The following MACROD2 variants were observed in gnomAD, a reference collection of about 807,000 sequenced individuals.
The protein encoded by MACROD2 is ADP-ribose glycohydrolase MACROD2.
A neutral mutation model predicts 70.4 loss-of-function variants in MACROD2; 36 were observed. That is an observed-to-expected ratio of 0.51 (90% confidence interval 0.39 to 0.68). MACROD2 has a LOEUF of 0.68. MACROD2 is among the 30% of genes least tolerant of loss of function. The probability of loss-of-function intolerance (pLI) is 0.00; values close to 1 mark genes in which losing one functional copy is unlikely to be tolerated. For missense variants in MACROD2, 496 were observed against 538.4 expected, an observed-to-expected ratio of 0.92 and a Z score of 0.78; for synonymous variants, 172 against 178.8, an observed-to-expected ratio of 0.96 and a Z score of 0.30.
chr20:14,831,548 G>A (rs979300242), intron 5 of MACROD2, among the ~76,000 whole-genome samples: 2 of 151,740 alleles, frequency 1.3e-5, no homozygotes, highest in Non-Finnish European at 2.9e-5. Context: ...GGAGGCCGAG[G>A]AGGGTGGATC....
At chr20:14,026,297 A>G (rs775750003) in intron 2 of MACROD2, among the ~76,000 whole-genome samples, 31 of 152,242 alleles carry the variant, frequency 2.0e-4, no homozygotes, top group Middle Eastern at 3.4e-3. Context: ...TCTTTATCCA[A>G]TTTGCCAGTC....
At chr20:14,487,400 C>T (rs1600293555) in intron 3 of MACROD2, among the ~76,000 whole-genome samples, 1 of 152,136 alleles carries the variant, frequency 6.6e-6, no homozygotes, top group East Asian at 1.9e-4. Flanking sequence ...AACAGAAACT[C>T]CAAGAGTTTA....
intron 4 of MACROD2, among the ~76,000 whole-genome samples, chr20:14,604,946 G>A (rs558010106): frequency 8.5e-5 from 13 of 152,246 alleles, no homozygotes; most frequent in African/African-American, 2.9e-4. Context: ...TTCCCATTGG[G>A]CATTCTACTT....
At chr20:14,325,519 A>G in intron 3 of MACROD2, 2 of 1,561,674 alleles carry the variant, frequency 1.3e-6, no homozygotes, top group Non-Finnish European at 1.7e-6. Context: ...TTAGGTTTAA[A>G]AAACCCAAAA....
At chr20:15,329,127 C>T (rs1043164648) in intron 6 of MACROD2, among the ~76,000 whole-genome samples, 87 of 152,074 alleles carry the variant, frequency 5.7e-4, no homozygotes, top group Admixed American at 5.5e-3. Context: ...AGAGTCTATT[C>T]GATTGTGTAA....
In MACROD2 at chr20:15,941,199, G is replaced by A. The variant is rs1415791917; in HGVS notation, c.907+3655G>A. Among the ~76,000 whole-genome samples the A allele has an allele frequency of 2.6e-5, 4 of 152,208 alleles. No individual in the cohort carries two copies. The East Asian group carries it at 5.8e-4, about 22-fold the overall frequency. On this transcript the variant is annotated intron_variant, in intron 12 of 17. Coordinates refer to ENST00000684519, the MANE Select transcript of MACROD2 (RefSeq NM_001351661.2). ...AGTTCTGTCATGTATCACAAATGCA[G>A]TTCCTATGTAAGACTAAATGTGAAG... is the stretch of plus-strand genomic sequence containing the variant.
intron 6 of MACROD2, among the ~76,000 whole-genome samples, chr20:15,413,252 C>T (rs1219822685): frequency 6.6e-6 from 1 of 152,000 alleles, no homozygotes; most frequent in Non-Finnish European, 1.5e-5. Flanking sequence ...TTTCGCTTCA[C>T]ATCAAAGGTA....
At chr20:14,361,172 C>T (rs578161026) in intron 3 of MACROD2, among the ~76,000 whole-genome samples, 38 of 152,240 alleles carry the variant, frequency 2.5e-4, no homozygotes, top group African/African-American at 8.7e-4. Flanking sequence ...GTTCTGGGGG[C>T]ACATCTAGGT....
intron 15 of MACROD2, among the ~76,000 whole-genome samples, chr20:15,995,312 G>T (rs1299371871): frequency 6.6e-6 from 1 of 151,602 alleles, no homozygotes; most frequent in African/African-American, 2.4e-5. Context: ...ATAGAGCTCA[G>T]GATGTAAGTC....
chr20:15,454,095 A>G (rs1411669693), intron 7 of MACROD2, among the ~76,000 whole-genome samples: 2 of 152,134 alleles, frequency 1.3e-5, no homozygotes, highest in Non-Finnish European at 2.9e-5. Flanking sequence ...CCAATTGTCA[A>G]TAGAGGCTGT....
intron 3 of MACROD2, among the ~76,000 whole-genome samples, chr20:14,280,847 G>A (rs988023096): frequency 6.6e-6 from 1 of 152,106 alleles, no homozygotes; most frequent in African/African-American, 2.4e-5. Context: ...TGTGAAGATA[G>A]CATGTTTTAT....
intron 7 of MACROD2, among the ~76,000 whole-genome samples, chr20:15,456,364 C>T (rs141042195): frequency 2.3e-4 from 35 of 152,294 alleles, no homozygotes; most frequent in African/African-American, 7.7e-4. Context: ...GAGTTCTCTT[C>T]TGCTGATCAT....
intron 5 of MACROD2, among the ~76,000 whole-genome samples, chr20:14,915,079 C>T (rs560273736): frequency 6.6e-6 from 1 of 152,262 alleles, no homozygotes; most frequent in East Asian, 1.9e-4. Flanking sequence ...CTTTCTAATT[C>T]TTACTTTATA....
At chr20:15,768,829 A>G (rs868380352) in intron 8 of MACROD2, among the ~76,000 whole-genome samples, 78 of 151,716 alleles carry the variant, frequency 5.1e-4, no homozygotes, top group African/African-American at 1.9e-3. Context: ...ATTTATTTTC[A>G]CTTTTCAGAC....
chr20:15,110,960 C>T (rs1394591733), intron 5 of MACROD2, among the ~76,000 whole-genome samples: 1 of 152,208 alleles, frequency 6.6e-6, no homozygotes, highest in African/African-American at 2.4e-5. Flanking sequence ...TCAGCACCTG[C>T]ATCCAATACT....
intron 6 of MACROD2, among the ~76,000 whole-genome samples, chr20:15,231,811 G>A (rs749028174): frequency 3.3e-5 from 5 of 151,930 alleles, no homozygotes; most frequent in African/African-American, 7.2e-5. Context: ...ATAGGAATTA[G>A]ATCTACCTTA....
chr20:15,228,846 C>T (rs1369500732), intron 5 of MACROD2, among the ~76,000 whole-genome samples: 3 of 152,150 alleles, frequency 2.0e-5, no homozygotes, highest in African/African-American at 7.2e-5. Context: ...ATTTTTTAAA[C>T]TGTACCATAT....
intron 6 of MACROD2, among the ~76,000 whole-genome samples, chr20:15,365,593 A>C (rs1025271791): frequency 4.6e-5 from 7 of 151,782 alleles, no homozygotes; most frequent in South Asian, 2.1e-4. Flanking sequence ...CCCAAGAGGC[A>C]GAGGTTGCAG....
intron 3 of MACROD2, among the ~76,000 whole-genome samples, chr20:14,492,341 G>A (rs1476486709): frequency 6.6e-6 from 1 of 152,132 alleles, no homozygotes; most frequent in East Asian, 1.9e-4. Context: ...GATTATATGA[G>A]ACTAAATTTG....
Sources: allele counts gnomAD v4.1 joint callset (sites outside exome capture counted in the v4.1 genomes callset), GRCh38; gene constraint gnomAD v4.1.1; transcripts MANE v1.5; gene names NCBI Gene and HGNC (gene_info 2026-07-23, HGNC 2026-07-21).